Variants in GCC2 observed in about 807,000 individuals in gnomAD.
GCC2 encodes GRIP and coiled-coil domain-containing protein 2.
GCC2 carries 120 observed loss-of-function variants against 210.6 expected under a neutral mutation model. The ratio of observed to expected loss-of-function variants is 0.57; its 90% CI spans 0.49 to 0.66. GCC2 has a LOEUF of 0.66. Ranked by LOEUF, GCC2 falls within the 30% of genes least tolerant of loss-of-function variation. The pLI, the probability that GCC2 is intolerant of heterozygous loss-of-function variation, is 0.00. For synonymous variants in GCC2, 703 were observed against 652.7 expected, an observed-to-expected ratio of 1.08 and a Z score of -1.17; for missense variants, 1,868 against 1,871.9, an observed-to-expected ratio of 1.00 and a Z score of 0.04.
Position 108,485,334 on chromosome 2 carries a change from A to AG in GCC2, c.3614-301dup, listed in dbSNP as rs756512416. On this transcript the variant is annotated intron_variant, in intron 13 of 22. Transcript: ENST00000309863. ...CTTAAAGTATAATTAAAAAAAAAAA[A>AG]GAAAAAAAAAAGATGTTTGTAGTCC... is the stretch of plus-strand genomic sequence containing the variant. Among the ~76,000 whole-genome samples the AG allele has an allele frequency of 2.0e-3, 302 of 151,796 alleles. 2 individuals are homozygous for AG. The highest frequency in any genetic ancestry group is 2.8e-3 in the Non-Finnish European group (190 of 67,894).
chr2:108,469,422 G>A, intron 5 of GCC2: 1 of 457,260 alleles, frequency 2.2e-6, no homozygotes, highest in Non-Finnish European at 3.8e-6. Context: ...TTGCCTATTA[G>A]GTCTGGGCTA....
intron 18 of GCC2, among the ~76,000 whole-genome samples, chr2:108,490,884 TA>T (rs1157455289): frequency 1.3e-5 from 2 of 152,304 alleles, no homozygotes; most frequent in East Asian, 3.9e-4. Flanking sequence ...TTGATTCCTC[TA>T]AAGTAATTCA....
chr2:108,478,705 G>A (rs1681672709), intron 9 of GCC2, among the ~76,000 whole-genome samples: 1 of 152,142 alleles, frequency 6.6e-6, no homozygotes, highest in African/African-American at 2.4e-5. Flanking sequence ...TTATGCCCTG[G>A]CATAGCAATT....
chr2:108,451,608 T>A (rs1183412695), intron 3 of GCC2, among the ~76,000 whole-genome samples: 1 of 64,398 alleles, frequency 1.6e-5, no homozygotes, highest in Non-Finnish European at 4.1e-5. Context: ...CTTAGCACCT[T>A]TTTTTTTTAG....
intron 19 of GCC2, chr2:108,493,822 CA>C: frequency 2.0e-6 from 2 of 985,342 alleles, no homozygotes; most frequent in East Asian, 2.3e-4. Flanking sequence ...AAAGGTCGCA[CA>C]AGAGATTGTA....
At chr2:108,493,818 C>G in intron 19 of GCC2, 1 of 985,318 alleles carries the variant, frequency 1.0e-6, no homozygotes, top group African/African-American at 1.7e-5. Context: ...GGGCAAAGGT[C>G]GCACAAGAGA....
intron 18 of GCC2, among the ~76,000 whole-genome samples, chr2:108,491,781 A>T (rs185036410): frequency 0.12 from 17,497 of 145,568 alleles, 1,174 homozygotes; most frequent in African/African-American, 0.16. Context: ...TTATTTATTT[A>T]TTTATTTTTT....
At position 108,481,872 on chromosome 2, in the gene GCC2, A is replaced by G. The variant is rs899515013; in HGVS notation, c.3180+56A>G. The G allele has an allele frequency of 3.9e-6, 5 of 1,289,632 alleles. No homozygotes were observed. In the African/African-American group the frequency reaches 7.5e-5, roughly 19 times the overall value. The allele number at this position is 1,289,632 out of a possible 1,614,324, so 79.9% of individuals were successfully genotyped here. The stretch of plus-strand genomic sequence containing the variant: ...CTATAACAGGTATATTTTAATCTCA[A>G]TACTTTTTGCATAAAAAATTTAAAA... On this transcript the variant is annotated intron_variant, in intron 10 of 22. Coordinates refer to ENST00000309863, the MANE Select transcript of GCC2 (RefSeq NM_181453.4).
intron 9 of GCC2, among the ~76,000 whole-genome samples, chr2:108,477,993 C>T (rs1285616992): frequency 6.6e-6 from 1 of 152,036 alleles, no homozygotes; most frequent in African/African-American, 2.4e-5. Context: ...TTGCAGTGAG[C>T]GGAGATTGTA....
chr2:108,482,078 A>G (rs920113940), intron 10 of GCC2, among the ~76,000 whole-genome samples: 1 of 152,176 alleles, frequency 6.6e-6, no homozygotes, highest in Non-Finnish European at 1.5e-5. Flanking sequence ...TTGCTCTGCC[A>G]GTGCACCTGG....
chr2:108,485,666 A>G lies in GCC2; in HGVS notation c.3644A>G (p.Glu1215Gly). 6.3e-7 allele frequency: 1 copy of G among 1,591,390 alleles called. No individual in the cohort carries two copies. The highest frequency in any genetic ancestry group is 1.1e-5 in the South Asian group (1 of 87,252). Residue 1215 changes from glutamate to glycine, a missense_variant, in exon 14 of 23, where the codon GAA becomes GGA. By Grantham distance (98) the Glu-to-Gly change is moderately conservative. Around this residue, in one of 3 missense-constraint regions of GCC2, gnomAD observed 1,847 missense variants for 1,765.2 expected, o/e 1.05. Transcript: ENST00000309863. ...TTACAGTCTTCAGTACAACAATATGAAGAAAAAAACACCAAAATCAAGCAA... is the reference window on the plus strand; with the variant it reads ...TTACAGTCTTCAGTACAACAATATGGAGAAAAAAACACCAAAATCAAGCAA... ...TSLQSSVQQY[E>G]EKNTKIKQLL...
intron 1 of GCC2, 145 bp downstream of exon 1, chr2:108,449,425 ACT>A (rs1304452041): frequency 1.6e-5 from 23 of 1,407,288 alleles, no homozygotes; most frequent in Middle Eastern, 1.9e-4. Flanking sequence ...TCTTTCGTAA[ACT>A]CTATCCCTGG....
At chr2:108,501,418 C>T (rs1682922277) in intron 22 of GCC2, among the ~76,000 whole-genome samples, 2 of 152,072 alleles carry the variant, frequency 1.3e-5, no homozygotes, top group Admixed American at 6.5e-5. Context: ...TAACACTGAA[C>T]TTGTTCTAAT....
At chr2:108,486,324 A>G in intron 15 of GCC2, 187 bp from the exon 16 acceptor site, 1 of 619,042 alleles carries the variant, frequency 1.6e-6, no homozygotes, top group East Asian at 2.9e-5. Flanking sequence ...TTGGTTTAAG[A>G]AAAGATAACT....
At chr2:108,458,952 G>T (rs1357551530) in intron 4 of GCC2, among the ~76,000 whole-genome samples, 3 of 151,934 alleles carry the variant, frequency 2.0e-5, no homozygotes, top group Non-Finnish European at 2.9e-5. Flanking sequence ...GTTTCCTTCT[G>T]CTAATTTTGG....
rs1681216947 is a variant in GCC2 at position 108,471,480 on chromosome 2, T to C, written c.2151T>C (p.Asp717=). 4 of 1,610,424 alleles carry C rather than the reference T, an allele frequency of 2.5e-6. No individual in the cohort carries two copies. Among genetic ancestry groups the C allele is most frequent in the African/African-American group, 2.7e-5 (2 of 74,692 alleles). Residue 717 remains aspartate (D), a synonymous_variant, in exon 6 of 23, where the codon GAT becomes GAC. Coordinates refer to ENST00000309863, the MANE Select transcript of GCC2 (RefSeq NM_181453.4). ...AGGTTTTTTTGTCTCAAAAAGAAGATGTTATCCTTAAAGAACATATTACTC... is the reference window on the plus strand; with the variant it reads ...AGGTTTTTTTGTCTCAAAAAGAAGACGTTATCCTTAAAGAACATATTACTC... The part of the protein sequence containing the change: ...DLEVFLSQKE[D]VILKEHITQL...
chr2:108,495,125 T>G (rs1682584560), intron 19 of GCC2, 166 bp from the exon 20 acceptor site: 1 of 461,878 alleles, frequency 2.2e-6, no homozygotes, highest in Non-Finnish European at 3.9e-6. Context: ...TGACTAAATT[T>G]TAAGAAATGC....
chr2:108,503,723 A>C (rs1683041681), intron 22 of GCC2, among the ~76,000 whole-genome samples: 1 of 152,190 alleles, frequency 6.6e-6, no homozygotes, highest in South Asian at 2.1e-4. Flanking sequence ...TTTTGTGTAA[A>C]GTTTATAACA....
At chr2:108,454,676 T>C (rs1379958550) in intron 4 of GCC2, among the ~76,000 whole-genome samples, 1 of 152,252 alleles carries the variant, frequency 6.6e-6, no homozygotes, top group Non-Finnish European at 1.5e-5. Flanking sequence ...TGACCTTGAC[T>C]AAGTTTCTTA....
Sources: gnomAD v4.1 joint callset for allele counts (sites outside exome capture counted in the v4.1 genomes callset) on GRCh38, gnomAD v4.1.1 for gene constraint, gnomAD v4.1.1 regional missense constraint, MANE v1.5 for transcripts, NCBI Gene and HGNC (gene_info 2026-07-23, HGNC 2026-07-21) for gene names.